Variants in XKR6 observed in about 807,000 individuals in gnomAD.
XKR6 encodes XK-related protein 6.
XKR6 carries 22 observed loss-of-function variants against 56.7 expected under a neutral mutation model. The observed-to-expected ratio is 0.39, with a 90% confidence interval of 0.28 to 0.55. The LOEUF (loss-of-function observed/expected upper bound fraction) is 0.55. XKR6 is among the 20% of genes least tolerant of loss of function. The probability of loss-of-function intolerance (pLI) is 0.66; values close to 1 mark genes in which losing one functional copy is unlikely to be tolerated. For missense variants in XKR6, 852 were observed against 889.0 expected, an observed-to-expected ratio of 0.96 and a Z score of 0.53; for synonymous variants, 524 against 387.8, an observed-to-expected ratio of 1.35 and a Z score of -4.13.
intron 1 of XKR6, among the ~76,000 whole-genome samples, chr8:11,003,074 G>T (rs1361292156): frequency 6.6e-6 from 1 of 152,008 alleles, no homozygotes; most frequent in Non-Finnish European, 1.5e-5. Flanking sequence ...ATTTGCAACT[G>T]GGGAGGACTC....
At chr8:11,106,072 C>T (rs1393906440) in intron 1 of XKR6, 1 of 152,120 alleles carries the variant, frequency 6.6e-6, no homozygotes, top group Non-Finnish European at 1.5e-5. Context: ...AAGCTACATA[C>T]ATAAAGGAAA....
chr8:11,006,540 A>T (rs543529217), intron 1 of XKR6, among the ~76,000 whole-genome samples: 3 of 152,320 alleles, frequency 2.0e-5, no homozygotes, highest in East Asian at 3.9e-4. Context: ...GGAATAGAGT[A>T]AGGCATCTGT....
chr8:11,101,679 G>C (rs1291000925), intron 1 of XKR6, among the ~76,000 whole-genome samples: 4 of 152,156 alleles, frequency 2.6e-5, no homozygotes, highest in Non-Finnish European at 5.9e-5. Flanking sequence ...CTGGAAGATG[G>C]AAGTGGCCTC....
intron 1 of XKR6, among the ~76,000 whole-genome samples, chr8:10,931,598 T>C (rs953285111): frequency 6.6e-6 from 1 of 152,152 alleles, no homozygotes. Flanking sequence ...AGAAGACCCA[T>C]ATAATTATGG....
At chr8:10,965,286 C>T (rs977191749) in intron 1 of XKR6, among the ~76,000 whole-genome samples, 2 of 152,218 alleles carry the variant, frequency 1.3e-5, no homozygotes, top group African/African-American at 4.8e-5. Flanking sequence ...TGGATGCAAG[C>T]AGGGCACGTG....
At chr8:10,944,345 C>A (rs952634553) in intron 1 of XKR6, among the ~76,000 whole-genome samples, 3 of 152,216 alleles carry the variant, frequency 2.0e-5, no homozygotes, top group African/African-American at 7.2e-5. Flanking sequence ...GCTGGCTGAA[C>A]CCACAACGAG....
chr8:11,097,354 G>A (rs922425411), intron 1 of XKR6, among the ~76,000 whole-genome samples: 1 of 152,066 alleles, frequency 6.6e-6, no homozygotes, highest in African/African-American at 2.4e-5. Flanking sequence ...AACATTCCAC[G>A]AGAAGTTAGA....
At chr8:11,065,518 C>G (rs1297400372) in intron 1 of XKR6, among the ~76,000 whole-genome samples, 1 of 152,140 alleles carries the variant, frequency 6.6e-6, no homozygotes, top group African/African-American at 2.4e-5. Context: ...TCAGCCACAC[C>G]AACTGCAGTC....
At chr8:11,079,725 C>G (rs533850768) in intron 1 of XKR6, among the ~76,000 whole-genome samples, 31 of 152,264 alleles carry the variant, frequency 2.0e-4, no homozygotes, top group Middle Eastern at 3.4e-3. Context: ...TTTGGGAGGC[C>G]AATGTGGCAA....
intron 1 of XKR6, among the ~76,000 whole-genome samples, chr8:10,982,471 G>A (rs1797757356): frequency 6.6e-6 from 1 of 152,160 alleles, no homozygotes; most frequent in Non-Finnish European, 1.5e-5. Flanking sequence ...CCTCCAACAT[G>A]AGTGCTTCTC....
intron 1 of XKR6, among the ~76,000 whole-genome samples, chr8:10,972,435 A>T (rs1802435953): frequency 6.6e-6 from 1 of 152,236 alleles, no homozygotes; most frequent in South Asian, 2.1e-4. Flanking sequence ...TCTTGGGATG[A>T]GTCAGCAAGC....
rs1798045131 is a variant in XKR6 at position 10,993,689 on chromosome 8, C to T, written c.765-68859G>A. On this transcript the variant is annotated intron_variant, in intron 1 of 2. Transcript: ENST00000416569. Reference sequence around the variant, plus strand: ...CTAGCTCACCCGACACTGGGAGCCCCTTTGTCTTCCAGCAACATGCCCCCA... The same window carrying T: ...CTAGCTCACCCGACACTGGGAGCCCTTTTGTCTTCCAGCAACATGCCCCCA... Among the ~76,000 whole-genome samples the T allele has an allele frequency of 2.0e-5, 3 of 152,318 alleles. No individual in the cohort carries two copies. The South Asian group carries it at 6.2e-4, about 32-fold the overall frequency.
intron 1 of XKR6, chr8:11,194,977 G>A: frequency 1.9e-6 from 1 of 539,692 alleles, no homozygotes; most frequent in East Asian, 3.1e-5. Flanking sequence ...TACCATAAAT[G>A]TCAAGTTTTT....
intron 1 of XKR6, among the ~76,000 whole-genome samples, chr8:11,082,331 G>A (rs540022325): frequency 6.8e-4 from 104 of 152,212 alleles, no homozygotes; most frequent in Non-Finnish European, 1.1e-3. Context: ...ACCCCGTTAC[G>A]AATGTGGGAG....
chr8:10,965,160 C>CT, intron 1 of XKR6, among the ~76,000 whole-genome samples: 1 of 152,366 alleles, frequency 6.6e-6, no homozygotes, highest in African/African-American at 2.4e-5. Context: ...GGCGGGTCCC[C>CT]TGGGTCCTGT....
intron 1 of XKR6, among the ~76,000 whole-genome samples, chr8:11,154,130 T>G (rs977031800): frequency 6.6e-6 from 1 of 151,760 alleles, no homozygotes; most frequent in Non-Finnish European, 1.5e-5. Context: ...TTGTTTAGGG[T>G]GGGGGTTGGC....
At chr8:10,977,530 A>C (rs1001166550) in intron 1 of XKR6, among the ~76,000 whole-genome samples, 1 of 151,134 alleles carries the variant, frequency 6.6e-6, no homozygotes, top group African/African-American at 2.4e-5. Flanking sequence ...AATATGTAAC[A>C]ACAGAACTAT....
intron 2 of XKR6, among the ~76,000 whole-genome samples, chr8:10,913,501 C>T (rs1194381632): frequency 3.9e-5 from 6 of 152,142 alleles, no homozygotes; most frequent in Admixed American, 6.5e-5. Flanking sequence ...AGGATGGAGG[C>T]CATATGCACC....
At chr8:10,944,590 T>C (rs990998747) in intron 1 of XKR6, among the ~76,000 whole-genome samples, 8 of 152,052 alleles carry the variant, frequency 5.3e-5, no homozygotes, top group African/African-American at 1.9e-4. Flanking sequence ...CCTGCAGAAA[T>C]AGTGCACCCA....
Sources: gnomAD v4.1 joint callset for allele counts (sites outside exome capture counted in the v4.1 genomes callset) on GRCh38, gnomAD v4.1.1 for gene constraint, MANE v1.5 for transcripts, NCBI Gene and HGNC (gene_info 2026-07-23, HGNC 2026-07-21) for gene names.